Variants in COLEC12 observed in about 807,000 individuals in gnomAD.
COLEC12 encodes collectin-12.
A neutral mutation model predicts 71.1 loss-of-function variants in COLEC12; 33 were observed. The observed-to-expected ratio is 0.46, with a 90% CI of 0.35 to 0.62. The LOEUF is 0.62. Ranked by LOEUF, COLEC12 falls within the 20% of genes least tolerant of loss-of-function variation. The pLI is 0.00. For synonymous variants in COLEC12, 350 were observed against 353.0 expected, an observed-to-expected ratio of 0.99 and a Z score of 0.10; for missense variants, 765 against 916.1, an observed-to-expected ratio of 0.84 and a Z score of 2.13.
intron 2 of COLEC12, among the ~76,000 whole-genome samples, chr18:464,311 G>A (rs1354938911): frequency 6.6e-6 from 1 of 152,144 alleles, no homozygotes; most frequent in African/African-American, 2.4e-5. Flanking sequence ...AGCATCTCGC[G>A]ACAGTCTATC....
chr18:390,591 C>T (rs1915441502), intron 2 of COLEC12, among the ~76,000 whole-genome samples: 1 of 152,138 alleles, frequency 6.6e-6, no homozygotes, highest in Non-Finnish European at 1.5e-5. Flanking sequence ...TAAAATCCAT[C>T]TCTACTAAAA....
At chr18:393,808 C>CGTT (rs1160673424) in intron 2 of COLEC12, among the ~76,000 whole-genome samples, 1 of 152,186 alleles carries the variant, frequency 6.6e-6, no homozygotes, top group Admixed American at 6.5e-5. Context: ...ATGCCATGTA[C>CGTT]GTTTATCTTT....
rs2143512513 is a variant in COLEC12, at chr18:362,420, C to T, written c.59-4898G>A. ...TGGCCAAACACACGGATGCCTACTA[C>T]AAAGGGACCCTGCTGGCTCCTGTAG... On this transcript the variant is annotated intron_variant, in intron 2 of 9. Transcript: ENST00000400256. This position sits in a 1 kb window ranked among gnomAD's most constrained non-coding sequence, Gnocchi z 4.6. Among the ~76,000 whole-genome samples the T allele has an allele frequency of 6.6e-6, 1 of 152,296 alleles. No homozygotes were observed. The highest frequency in any genetic ancestry group is 6.5e-5 in the Admixed American group (1 of 15,304).
intron 2 of COLEC12, among the ~76,000 whole-genome samples, chr18:381,576 G>A (rs1915232452): frequency 6.6e-6 from 1 of 151,988 alleles, no homozygotes; most frequent in Non-Finnish European, 1.5e-5. Context: ...CTTTTTGGAG[G>A]GCAACCAAAA....
chr18:450,313 GA>G (rs1240783233), intron 2 of COLEC12, among the ~76,000 whole-genome samples: 2 of 152,190 alleles, frequency 1.3e-5, no homozygotes, highest in African/African-American at 2.4e-5. Context: ...CCCCAATGTT[GA>G]GGGGGGGCCT....
intron 2 of COLEC12, among the ~76,000 whole-genome samples, chr18:438,420 T>C (rs1598363267): frequency 6.6e-6 from 1 of 152,338 alleles, no homozygotes; most frequent in Non-Finnish European, 1.5e-5. Flanking sequence ...ACCTGAAGTA[T>C]TTGTCATTTT....
chr18:353,300 A>G (rs890058055), intron 3 of COLEC12, among the ~76,000 whole-genome samples: 7 of 152,184 alleles, frequency 4.6e-5, no homozygotes, highest in Non-Finnish European at 8.8e-5. Flanking sequence ...GATGCACTAC[A>G]CCATCACTGC....
chr18:340,607 A>G (rs1282938812), intron 5 of COLEC12, among the ~76,000 whole-genome samples: 1 of 152,220 alleles, frequency 6.6e-6, no homozygotes, highest in African/African-American at 2.4e-5. Flanking sequence ...TGCTTAACAA[A>G]AGGAAGAGAA....
At chr18:422,634 G>T (rs999012609) in intron 2 of COLEC12, among the ~76,000 whole-genome samples, 1 of 151,442 alleles carries the variant, frequency 6.6e-6, no homozygotes, top group Admixed American at 6.6e-5. Flanking sequence ...TATTTTTATA[G>T]ATTATTTTAT....
At chr18:465,539 C>G (rs8086857) in intron 2 of COLEC12, among the ~76,000 whole-genome samples, 2 of 151,984 alleles carry the variant, frequency 1.3e-5, no homozygotes, top group Non-Finnish European at 2.9e-5. Context: ...ATACAAATCT[C>G]TTAAAAATAA....
chr18:318,758 G>A lies in COLEC12; in HGVS notation c.*1287C>T, dbSNP rs981837155. The A allele has an allele frequency of 6.6e-6, 1 of 152,112 alleles. No homozygotes were observed. Among genetic ancestry groups the A allele is most frequent in the African/African-American group, 2.4e-5 (1 of 41,412 alleles). 9.4% of individuals were successfully genotyped at this position (152,112 alleles called of 1,614,324 possible). A position where few individuals can be genotyped will look rare whatever the true frequency, so the allele number is the denominator to read the frequency against. On this transcript the variant is annotated 3_prime_UTR_variant, in exon 10 of 10. Coordinates refer to ENST00000400256, the MANE Select transcript of COLEC12 (RefSeq NM_130386.3). The stretch of plus-strand genomic sequence containing the variant: ...TCTGCCTGCCTCGGCCTCCCAAAGT[G>A]CTGGGATTACAGGCATGAGCCACTG...
chr18:401,516 T>C (rs1236324377), intron 2 of COLEC12, among the ~76,000 whole-genome samples: 1 of 152,206 alleles, frequency 6.6e-6, no homozygotes, highest in Admixed American at 6.5e-5. Context: ...AGTATAATTA[T>C]TATCATCAGA....
In COLEC12 at chr18:334,839, C is replaced by A. The variant is rs1265005315; in HGVS notation, c.1719G>T (p.Met573Ile). ...GLPGLPGVPG[M>I]PGPKGPPGPP... is the part of the protein sequence containing the mutation. ...GGCCGGGGGGGCCCTTGGGGCCTGG[C>A]ATGCCTGGTACCCCAGGCAAGCCTG... Residue 573 changes from methionine to isoleucine, a missense_variant, in exon 6 of 10, where the codon ATG (methionine) becomes ATT (isoleucine). Coordinates refer to ENST00000400256, the MANE Select transcript of COLEC12 (RefSeq NM_130386.3). The A allele has an allele frequency of 1.3e-6, 2 of 1,519,822 alleles. No individual in the cohort carries two copies. Among genetic ancestry groups the A allele is most frequent in the East Asian group, 2.5e-5 (1 of 39,858 alleles). The allele number at this position is 1,519,822 out of a possible 1,614,324, so 94.1% of individuals were successfully genotyped here. A position where few individuals can be genotyped will look rare whatever the true frequency, so the allele number is the denominator to read the frequency against.
intron 2 of COLEC12, among the ~76,000 whole-genome samples, chr18:426,561 T>G (rs553989226): frequency 6.6e-6 from 1 of 152,348 alleles, no homozygotes; most frequent in African/African-American, 2.4e-5. Flanking sequence ...CGCTTCTATA[T>G]GGACCTGCTC....
At chr18:394,767 A>G (rs553604797) in intron 2 of COLEC12, among the ~76,000 whole-genome samples, 2 of 152,216 alleles carry the variant, frequency 1.3e-5, no homozygotes, top group South Asian at 4.1e-4. Flanking sequence ...TGTCCGCAGA[A>G]GCGCCACTTG....
chr18:494,197 C>A (rs1166642341), intron 1 of COLEC12, among the ~76,000 whole-genome samples: 1 of 152,222 alleles, frequency 6.6e-6, no homozygotes, highest in African/African-American at 2.4e-5. Context: ...GCACAACTCA[C>A]TCCTTCTATC....
At chr18:491,854 TATCGGTAATATTTGC>T (rs1917624885) in intron 1 of COLEC12, among the ~76,000 whole-genome samples, 1 of 152,206 alleles carries the variant, frequency 6.6e-6, no homozygotes, top group South Asian at 2.1e-4. Context: ...CTAAGCACAG[TATCGGTAATATTTGC>T]CCTGGTTTTA....
chr18:422,862 AT>A (rs1489829378), intron 2 of COLEC12, among the ~76,000 whole-genome samples: 1 of 152,124 alleles, frequency 6.6e-6, no homozygotes, highest in Non-Finnish European at 1.5e-5. Context: ...TCCTACTTTG[AT>A]TTTTTGTTTA....
At position 376,666 on chromosome 18, in the gene COLEC12, C is replaced by T. The variant is rs111638292; in HGVS notation, c.59-19144G>A. On this transcript the variant is annotated intron_variant, in intron 2 of 9. Transcript: ENST00000400256. ...CCCTGCTTAGGCCTAAATGGGGACA[C>T]GAGTTTCTAGAGCAGAAAGAGCTTT... 8.9e-3 allele frequency among the ~76,000 whole-genome samples: 1,353 copies of T among 152,212 alleles called. 20 individuals carry two copies. Among genetic ancestry groups the T allele is most frequent in the African/African-American group, 0.027 (1,127 of 41,498 alleles).
Sources: allele counts gnomAD v4.1 joint callset (sites outside exome capture counted in the v4.1 genomes callset), GRCh38; gene constraint gnomAD v4.1.1; non-coding constraint Gnocchi (gnomAD v3.1); transcripts MANE v1.5; gene names NCBI Gene and HGNC (gene_info 2026-07-23, HGNC 2026-07-21).